BCAS3: variants seen among roughly 807,000 people sequenced by gnomAD.
BCAS3 encodes BCAS3 microtubule associated cell migration factor.
In BCAS3, 53 loss-of-function variants were observed where a neutral mutation model predicts 116.1. The observed-to-expected ratio is 0.46, with a 90% confidence interval of 0.37 to 0.57. The LOEUF (loss-of-function observed/expected upper bound fraction) is 0.57, where lower values mean the gene tolerates loss of function less well. BCAS3 is among the 20% of genes least tolerant of loss of function. The pLI is 0.00. For missense variants in BCAS3, 917 were observed against 1,165.4 expected (o/e 0.79, Z 3.10); for synonymous variants, 391 against 408.2 (o/e 0.96, Z 0.51).
intron 7 of BCAS3, among the ~76,000 whole-genome samples, chr17:60,817,309 G>A (rs1277157874): frequency 6.6e-6 from 1 of 152,220 alleles, no homozygotes; most frequent in Non-Finnish European, 1.5e-5. Flanking sequence ...TAATGTGAGA[G>A]AGGGAGGAAA....
chr17:61,304,729 C>T (rs530276291), intron 22 of BCAS3, among the ~76,000 whole-genome samples: 2 of 152,040 alleles, frequency 1.3e-5, no homozygotes, highest in Non-Finnish European at 2.9e-5. Context: ...TTCCCTAATA[C>T]CCTTGAATTC....
In BCAS3 at chr17:60,999,171, A is replaced by G. The variant is rs73322788; in HGVS notation, c.1486+8936A>G. ...ATTTCAGAGTTCTCTGTTCTTTTCC[A>G]TTGGTCTATGTGTCTTATTTTTGCA... On this transcript the variant is annotated intron_variant, in intron 15 of 23. Transcript: ENST00000407086. Among the ~76,000 whole-genome samples, 87 of 152,038 alleles carry G rather than the reference A, an allele frequency of 5.7e-4. 2 individuals carry two copies. The highest frequency in any genetic ancestry group is 2.0e-3 in the African/African-American group (81 of 41,466).
rs1341111463 is a variant in BCAS3, at chr17:61,097,560, T to G, written c.2425+12996T>G. Among the ~76,000 whole-genome samples, 1 of 152,170 alleles carries G rather than the reference T, an allele frequency of 6.6e-6. No individual in the cohort carries two copies. The highest frequency in any genetic ancestry group is 1.5e-5 in the Non-Finnish European group (1 of 68,038). ...GTAGCAGGGTGATTTTTAAGTTTCC[T>G]TGGCAGTGTGAGATCCCCATGTCTG... On this transcript the variant is annotated intron_variant, in intron 22 of 23. Transcript: ENST00000407086. The surrounding 1 kb of genome is among the most constrained non-coding windows in gnomAD (Gnocchi z 4.0).
Position 61,088,070 on chromosome 17 carries a change from T to C in BCAS3, c.2425+3506T>C, listed in dbSNP as rs1242462747. ...GGTTTCACATGGCTGTAATCCCAGC[T>C]ACTCAGGAGGCTGAGGCACAAGAAT... On this transcript the variant is annotated intron_variant, in intron 22 of 23. Transcript: ENST00000407086. This position sits in a 1 kb window ranked among gnomAD's most constrained non-coding sequence, Gnocchi z 4.2. 6.6e-6 allele frequency among the ~76,000 whole-genome samples: 1 copy of C among 152,144 alleles called. No individual in the cohort carries two copies. Among genetic ancestry groups the C allele is most frequent in the Non-Finnish European group, 1.5e-5 (1 of 68,028 alleles).
At chr17:60,894,803 T>C (rs1567813351) in intron 10 of BCAS3, among the ~76,000 whole-genome samples, 1 of 152,244 alleles carries the variant, frequency 6.6e-6, no homozygotes, top group Non-Finnish European at 1.5e-5. Flanking sequence ...TAAATGCTTT[T>C]TCTTGTATCT....
chr17:60,731,860 C>A (rs1438953299), intron 5 of BCAS3, among the ~76,000 whole-genome samples: 1 of 150,544 alleles, frequency 6.6e-6, no homozygotes, highest in Non-Finnish European at 1.5e-5. Context: ...CTCACTGCAA[C>A]CACCGCCTTC....
chr17:60,806,142 C>T (rs1310497693), intron 6 of BCAS3, among the ~76,000 whole-genome samples: 1 of 152,020 alleles, frequency 6.6e-6, no homozygotes, highest in Non-Finnish European at 1.5e-5. Flanking sequence ...TCCCAAAGTG[C>T]TGGGATTACA....
At chr17:61,166,883 T>TTTG (rs576481251) in intron 22 of BCAS3, among the ~76,000 whole-genome samples, 26 of 151,418 alleles carry the variant, frequency 1.7e-4, no homozygotes, top group South Asian at 1.7e-3. Context: ...ACTGGCTAAT[T>TTTG]TTGTTGTTGT....
At position 61,181,908 on chromosome 17, in the gene BCAS3, C is replaced by A. The variant is rs566807734; in HGVS notation, c.2425+97344C>A. ...TTTAATCTTGAGACACGGTCTCACT[C>A]CGCTGCCCAGGCTGGAGTGCAGCGT... is the stretch of plus-strand genomic sequence containing the variant. On this transcript the variant is annotated intron_variant, in intron 22 of 23. Coordinates refer to ENST00000407086, the MANE Select transcript of BCAS3 (RefSeq NM_017679.5). This position sits in a 1 kb window ranked among gnomAD's most constrained non-coding sequence, Gnocchi z 5.0. 1.1e-4 allele frequency among the ~76,000 whole-genome samples: 16 copies of A among 151,196 alleles called. No homozygotes were observed. The highest frequency in any genetic ancestry group is 1.9e-4 in the Non-Finnish European group (13 of 67,926).
chr17:61,172,039 G>A (rs1421218361), intron 22 of BCAS3, among the ~76,000 whole-genome samples: 1 of 152,112 alleles, frequency 6.6e-6, no homozygotes, highest in Non-Finnish European at 1.5e-5. Context: ...TTACAAAGGG[G>A]TCAGTTCGTG....
At chr17:60,971,913 AT>A (rs1286867607) in intron 14 of BCAS3, among the ~76,000 whole-genome samples, 2 of 152,218 alleles carry the variant, frequency 1.3e-5, no homozygotes, top group Non-Finnish European at 2.9e-5. Context: ...TAGCTGGTTA[AT>A]AGCAGCCTTC....
intron 6 of BCAS3, among the ~76,000 whole-genome samples, chr17:60,799,909 G>A (rs982279519): frequency 1.3e-5 from 2 of 151,620 alleles, no homozygotes; most frequent in Admixed American, 6.6e-5. Context: ...GTATATCCAA[G>A]TTGTTTAGTC....
chr17:61,172,272 GA>G (rs1209216321), intron 22 of BCAS3, among the ~76,000 whole-genome samples: 1 of 152,102 alleles, frequency 6.6e-6, no homozygotes, highest in African/African-American at 2.4e-5. Flanking sequence ...GACATTTACT[GA>G]AAAACAAAAA....
intron 13 of BCAS3, among the ~76,000 whole-genome samples, chr17:60,942,318 T>G (rs980003917): frequency 6.6e-6 from 1 of 152,074 alleles, no homozygotes; most frequent in Non-Finnish European, 1.5e-5. Context: ...TCCCAGCTAC[T>G]CGGGAGGCTG....
chr17:60,749,772 T>A (rs1456245167), intron 6 of BCAS3, among the ~76,000 whole-genome samples: 1 of 152,190 alleles, frequency 6.6e-6, no homozygotes, highest in African/African-American at 2.4e-5. Context: ...ATACTTTACA[T>A]ACAAATAAGT....
intron 6 of BCAS3, among the ~76,000 whole-genome samples, chr17:60,756,991 C>T (rs144082998): frequency 0.088 from 13,383 of 152,014 alleles, 1,948 homozygotes; most frequent in African/African-American, 0.3. Context: ...GGTGTAACCC[C>T]GTTTCTACTA....
intron 14 of BCAS3, among the ~76,000 whole-genome samples, chr17:60,977,820 A>G (rs1358898542): frequency 6.7e-6 from 1 of 149,682 alleles, no homozygotes; most frequent in Non-Finnish European, 1.5e-5. Context: ...GTCCCTACAA[A>G]GGACATGAAC....
chr17:61,192,260 A>AAAAAAAAAAAAAAAG (rs1182603843), intron 22 of BCAS3, among the ~76,000 whole-genome samples: 2 of 150,088 alleles, frequency 1.3e-5, no homozygotes, highest in Non-Finnish European at 3.0e-5. Flanking sequence ...AAAAAAAAAA[A>AAAAAAAAAAAAAAAG]AAGAAACATA....
Position 61,131,060 on chromosome 17 carries a change from A to AG in BCAS3, c.2425+46501dup, listed in dbSNP as rs1164495387. ...GACAAAGCAAGACTCTGTCTCAAAA[A>AG]GGGGGAAAAAAAAAGATGTTGGAGA... is the stretch of plus-strand genomic sequence containing the variant. On this transcript the variant is annotated intron_variant, in intron 22 of 23. Coordinates refer to ENST00000407086, the MANE Select transcript of BCAS3 (RefSeq NM_017679.5). This position sits in a 1 kb window ranked among gnomAD's most constrained non-coding sequence, Gnocchi z 4.4. Among the ~76,000 whole-genome samples the AG allele has an allele frequency of 6.6e-6, 1 of 152,098 alleles. No individual in the cohort carries two copies. The highest frequency in any genetic ancestry group is 2.4e-5 in the African/African-American group (1 of 41,412).
Sources: allele counts gnomAD v4.1 joint callset (sites outside exome capture counted in the v4.1 genomes callset), GRCh38; gene constraint gnomAD v4.1.1; non-coding constraint Gnocchi (gnomAD v3.1); transcripts MANE v1.5; gene names NCBI Gene and HGNC (gene_info 2026-07-23, HGNC 2026-07-21).